The following KDM4B variants were observed in gnomAD, a reference collection of about 807,000 sequenced individuals.
KDM4B encodes lysine-specific demethylase 4B.
KDM4B carries 32 observed loss-of-function variants against 125.2 expected under a neutral mutation model. The ratio of observed to expected loss-of-function variants is 0.26; its 90% CI spans 0.19 to 0.34. The LOEUF is 0.34. Among genes scored for constraint, KDM4B ranks in the 10% least tolerant of loss-of-function variants. KDM4B has a pLI of 1.00. For synonymous variants in KDM4B, 721 were observed against 677.9 expected, an observed-to-expected ratio of 1.06 and a Z score of -0.99; for missense variants, 1,190 against 1,577.7, an observed-to-expected ratio of 0.75 and a Z score of 4.16.
In KDM4B at chr19:5,131,244, C is replaced by A. The variant is rs1226363976; in HGVS notation, c.1484C>A (p.Ala495Glu). The A allele has an allele frequency of 6.2e-7, 1 of 1,608,518 alleles. No individual in the cohort carries two copies. Among genetic ancestry groups the A allele is most frequent in the Non-Finnish European group, 8.5e-7 (1 of 1,177,822 alleles). Residue 495 changes from alanine to glutamate, a missense_variant, in exon 12 of 23, where the codon GCA becomes GAA. By Grantham distance (107) the Ala-to-Glu change is moderately radical (BLOSUM62 -1). Around this residue, in one of 7 missense-constraint regions of KDM4B, gnomAD observed 428 missense variants for 405.1 expected, o/e 1.06. Coordinates refer to ENST00000159111, the MANE Select transcript of KDM4B (RefSeq NM_015015.3). ...LEPPVLGPGPAAMEESPLPAP... is the reference protein window; with the variant it reads ...LEPPVLGPGPEAMEESPLPAP... ...CCCCCGGTGCTGGGCCCAGGCCCTG[C>A]AGCCATGGAGGAGAGCCCCCTGCCG...
chr19:5,047,505 C>A lies in KDM4B; in HGVS notation c.462C>A (p.Leu154=). The change falls in exon 6 of 23, where the codon CTC becomes CTA. Residue 154 remains leucine, a synonymous_variant. Transcript: ENST00000159111. ...DDVAQWNIGS[L]RTILDMVERE... ...TGGCCCAGTGGAACATCGGGAGCCT[C>A]CGGACCATCCTGGACATGGTGGAGC... is the stretch of plus-strand genomic sequence containing the variant. 1 of 1,612,952 alleles carries A rather than the reference C, an allele frequency of 6.2e-7. No homozygotes were observed.
chr19:5,060,459 AAAAAGGG>A (rs1568266879), intron 6 of KDM4B, among the ~76,000 whole-genome samples: 4 of 129,784 alleles, frequency 3.1e-5, no homozygotes, highest in Admixed American at 1.5e-4. Flanking sequence ...AAAAAAAAAA[AAAAAGGG>A]AGCCATGATT....
rs1342854905 is a variant in KDM4B at position 5,111,817 on chromosome 19, C to T, written c.1115+999C>T. ...TCGACGTCTCGACTCCGCATGGCAA[C>T]TCAAGACCCTTGCAGATGATAGACA... On this transcript the variant is annotated intron_variant, in intron 10 of 22. Coordinates refer to ENST00000159111, the MANE Select transcript of KDM4B (RefSeq NM_015015.3). The T allele has an allele frequency of 1.4e-5, 11 of 765,096 alleles. No individual in the cohort carries two copies. In the Admixed American group the frequency reaches 1.9e-4, roughly 13 times the overall value. 47.4% of individuals were successfully genotyped at this position (765,096 alleles called of 1,614,324 possible). A position where few individuals can be genotyped will look rare whatever the true frequency, so the allele number is the denominator to read the frequency against.
intron 2 of KDM4B, among the ~76,000 whole-genome samples, chr19:5,030,719 G>C (rs1451117524): frequency 6.6e-6 from 1 of 152,230 alleles, no homozygotes; most frequent in Admixed American, 6.5e-5. Context: ...GTGTGGCCTA[G>C]GCCCACAACT....
intron 9 of KDM4B, among the ~76,000 whole-genome samples, chr19:5,093,482 C>T (rs898169212): frequency 9.2e-5 from 14 of 152,192 alleles, no homozygotes; most frequent in Admixed American, 5.2e-4. Flanking sequence ...TTTGTTGACG[C>T]GGCTGCCGAG....
In KDM4B at chr19:4,973,824, TAAA is replaced by T. The variant is rs66494608; in HGVS notation, c.-109+4613_-109+4615del. Among the ~76,000 whole-genome samples the T allele has an allele frequency of 2.0e-3, 268 of 132,412 alleles. 2 individuals are homozygous for T. The highest frequency in any genetic ancestry group is 7.2e-3 in the African/African-American group (260 of 35,886). 86.9% of individuals were successfully genotyped at this position (132,412 alleles called of 152,430 possible). On this transcript the variant is annotated intron_variant, in intron 1 of 22. Coordinates refer to ENST00000159111, the MANE Select transcript of KDM4B (RefSeq NM_015015.3). Reference sequence around the variant, plus strand: ...AACTGCTCTCTGAAACAAAGCATATTAAAAAAAAAAAAAAAAAAAAACTGGCTG... The same window carrying T: ...AACTGCTCTCTGAAACAAAGCATATTAAAAAAAAAAAAAAAAAACTGGCTG...
chr19:5,012,971 G>C (rs981028718), intron 1 of KDM4B, among the ~76,000 whole-genome samples: 76 of 152,356 alleles, frequency 5.0e-4, no homozygotes, highest in African/African-American at 1.8e-3. Flanking sequence ...AGGCTAGCCC[G>C]GCCTCTCATC....
intron 1 of KDM4B, among the ~76,000 whole-genome samples, chr19:4,970,776 TTA>T (rs1347922488): frequency 1.4e-5 from 2 of 146,022 alleles, no homozygotes; most frequent in African/African-American, 5.0e-5. Flanking sequence ...GCTTTGCAGT[TTA>T]TGTTTTGAAA....
intron 5 of KDM4B, among the ~76,000 whole-genome samples, chr19:5,045,844 A>C (rs1029319640): frequency 6.6e-6 from 1 of 152,088 alleles, no homozygotes; most frequent in African/African-American, 2.4e-5. Flanking sequence ...TCCTGACCTC[A>C]GGTGATCCAC....
chr19:5,150,560 G>A, intron 22 of KDM4B, 110 bp downstream of exon 22: 2 of 749,078 alleles, frequency 2.7e-6, no homozygotes, highest in South Asian at 1.8e-5. Context: ...CCCTCCTCTT[G>A]CACCTCTGCT....
At chr19:5,037,195 G>A (rs549163329) in intron 3 of KDM4B, among the ~76,000 whole-genome samples, 3 of 152,298 alleles carry the variant, frequency 2.0e-5, no homozygotes, top group African/African-American at 4.8e-5. Context: ...CGGCTTTGGC[G>A]TGGATTTGGA....
At chr19:5,063,994 G>T (rs971246883) in intron 6 of KDM4B, among the ~76,000 whole-genome samples, 1 of 152,212 alleles carries the variant, frequency 6.6e-6, no homozygotes, top group African/African-American at 2.4e-5. Flanking sequence ...CTCGCAGGAA[G>T]CCCACCCTGT....
intron 11 of KDM4B, among the ~76,000 whole-genome samples, chr19:5,120,763 A>G (rs977626692): frequency 1.3e-5 from 2 of 151,994 alleles, no homozygotes; most frequent in African/African-American, 4.8e-5. Flanking sequence ...CCCCGCTGGG[A>G]GCCCTTCCCT....
chr19:4,973,546 A>G (rs2034334014), intron 1 of KDM4B, among the ~76,000 whole-genome samples: 1 of 152,218 alleles, frequency 6.6e-6, no homozygotes, highest in Non-Finnish European at 1.5e-5. Context: ...TATATTAAAA[A>G]AAAGAAAATT....
At chr19:4,980,570 C>G (rs113443869) in intron 1 of KDM4B, among the ~76,000 whole-genome samples, 3 of 151,688 alleles carry the variant, frequency 2.0e-5, no homozygotes, top group African/African-American at 7.3e-5. Flanking sequence ...ATTACAGGCA[C>G]CTGCCACCAC....
intron 18 of KDM4B, among the ~76,000 whole-genome samples, chr19:5,143,259 A>C (rs1043438085): frequency 6.6e-6 from 1 of 151,008 alleles, no homozygotes; most frequent in Non-Finnish European, 1.5e-5. Flanking sequence ...GGAGTTGGAG[A>C]CCGCAGTGAG....
At chr19:5,143,328 A>AG (rs1444033888) in intron 18 of KDM4B, among the ~76,000 whole-genome samples, 4 of 151,440 alleles carry the variant, frequency 2.6e-5, no homozygotes, top group Non-Finnish European at 5.9e-5. Flanking sequence ...CAAAAAAAAA[A>AG]AGAAAAAATC....
In KDM4B at chr19:5,135,392, G is replaced by C. The variant is rs558725727; in HGVS notation, c.2139G>C (p.Pro713=). ...APIASLGEGC[P]ATLPSKSRQK... ...TAGCCTCCCTCGGAGAGGGCTGCCC[G>C]GCCACATTACCCTCCAAAAGCCGTC... is the stretch of plus-strand genomic sequence containing the variant. The change falls in exon 15 of 23, where the codon CCG becomes CCC. Residue 713 remains proline (P), a synonymous_variant. Transcript: ENST00000159111. The C allele has an allele frequency of 3.9e-4, 630 of 1,613,594 alleles. 7 individuals carry two copies. The South Asian group carries it at 6.6e-3, about 17-fold the overall frequency.
At chr19:5,130,189 A>G (rs994976095) in intron 11 of KDM4B, among the ~76,000 whole-genome samples, 3 of 151,910 alleles carry the variant, frequency 2.0e-5, no homozygotes, top group Middle Eastern at 6.8e-3. Flanking sequence ...ATCATCTAGG[A>G]TCACCTCCCA....
Sources: gnomAD v4.1 joint callset for allele counts (sites outside exome capture counted in the v4.1 genomes callset) on GRCh38, gnomAD v4.1.1 for gene constraint, gnomAD v4.1.1 regional missense constraint, MANE v1.5 for transcripts, NCBI Gene and HGNC (gene_info 2026-07-23, HGNC 2026-07-21) for gene names.